The following CELF2 variants were observed in gnomAD, a reference collection of about 807,000 sequenced individuals.
CELF2 encodes the protein CUGBP Elav-like family member 2.
A neutral mutation model predicts 62.6 loss-of-function variants in CELF2; 8 were observed. The observed-to-expected ratio is 0.13, with a 90% CI of 0.07 to 0.23. CELF2 has a LOEUF of 0.23. Among genes scored for constraint, CELF2 ranks in the 10% least tolerant of loss-of-function variants. The probability of loss-of-function intolerance (pLI) is 1.00; values close to 1 mark genes in which losing one functional copy is unlikely to be tolerated. For missense variants in CELF2, 333 were observed against 671.0 expected (o/e 0.50, Z 5.56); for synonymous variants, 258 against 250.0 (o/e 1.03, Z -0.30).
chr10:10,637,160 G>A, the CELF2 span, among the ~76,000 whole-genome samples: 1 of 152,070 alleles, frequency 6.6e-6, no homozygotes, highest in Non-Finnish European at 1.5e-5. Flanking sequence ...GTGAGTAATC[G>A]ACTCTGGTAC....
At chr10:10,669,134 A>T in the CELF2 span, among the ~76,000 whole-genome samples, 1 of 152,202 alleles carries the variant, frequency 6.6e-6, no homozygotes, top group African/African-American at 2.4e-5. Context: ...TGGTGGCAGA[A>T]GTGGATTTGA....
chr10:10,867,128 A>C (rs2060439007), intron 1 of CELF2, among the ~76,000 whole-genome samples: 2 of 152,272 alleles, frequency 1.3e-5, no homozygotes, highest in East Asian at 1.9e-4. Context: ...TGGGAAACAA[A>C]GGCTCTGATT....
At chr10:10,680,688 G>A in the CELF2 span, among the ~76,000 whole-genome samples, 2 of 152,192 alleles carry the variant, frequency 1.3e-5, no homozygotes, top group Non-Finnish European at 2.9e-5. Flanking sequence ...CACATTGTTA[G>A]CATAGCCTAT....
chr10:10,516,816 G>T, the CELF2 span, among the ~76,000 whole-genome samples: 1 of 151,626 alleles, frequency 6.6e-6, no homozygotes, highest in South Asian at 2.1e-4. Flanking sequence ...TCTGGAAGGG[G>T]GAGACAAGTC....
chr10:10,549,197 G>C, the CELF2 span, among the ~76,000 whole-genome samples: 9 of 152,202 alleles, frequency 5.9e-5, no homozygotes, highest in African/African-American at 2.2e-4. Flanking sequence ...CCATAGGCTG[G>C]ATGGCTTAAA....
chr10:11,100,484 T>G (rs968753976), intron 1 of CELF2, among the ~76,000 whole-genome samples: 1 of 151,860 alleles, frequency 6.6e-6, no homozygotes, highest in African/African-American at 2.4e-5. Flanking sequence ...GGACCACATG[T>G]GAGTTCCTAA....
At chr10:11,069,058 A>G (rs2068965665) in intron 1 of CELF2, among the ~76,000 whole-genome samples, 1 of 152,184 alleles carries the variant, frequency 6.6e-6, no homozygotes, top group Non-Finnish European at 1.5e-5. Context: ...ACTAAAATAA[A>G]TGTTAGAAAA....
At chr10:10,496,319 C>T in the CELF2 span, among the ~76,000 whole-genome samples, 1 of 152,186 alleles carries the variant, frequency 6.6e-6, no homozygotes, top group Non-Finnish European at 1.5e-5. Flanking sequence ...TTTGTCTACT[C>T]GTATCTACCA....
intron 1 of CELF2, among the ~76,000 whole-genome samples, chr10:10,852,505 G>T (rs185811882): frequency 6.6e-6 from 1 of 152,228 alleles, no homozygotes; most frequent in East Asian, 1.9e-4. Context: ...TGCTTGTGGT[G>T]GTAGAATTGT....
the CELF2 span, among the ~76,000 whole-genome samples, chr10:10,702,093 TC>T: frequency 1.4e-4 from 21 of 152,214 alleles, no homozygotes; most frequent in Non-Finnish European, 1.9e-4. Flanking sequence ...CAGATTTGCT[TC>T]CTTAATTAGT....
rs1373425101 is a variant in CELF2 at position 10,801,074 on chromosome 10, T to TA, written c.53+2257_53+2258insA. On this transcript the variant is annotated intron_variant, in intron 1 of 13. Coordinates refer to the CELF2 transcript ENST00000636488. ...AATGATCTCAAGTCTTAACCCGTTT[T>TA]TAAAAAAAAAACAGTGAGAATGTTG... 9.2e-5 allele frequency among the ~76,000 whole-genome samples: 9 copies of TA among 98,236 alleles called. No homozygotes were observed. In the East Asian group the frequency reaches 9.7e-4, roughly 11 times the overall value. The allele number at this position is 98,236 out of a possible 152,430, so 64.4% of individuals were successfully genotyped here.
At chr10:10,969,662 A>G (rs2050546831) in intron 2 of CELF2, among the ~76,000 whole-genome samples, 1 of 152,158 alleles carries the variant, frequency 6.6e-6, no homozygotes, top group African/African-American at 2.4e-5. Flanking sequence ...AAAGGAAGGA[A>G]TGGTCTGGAT....
the CELF2 span, among the ~76,000 whole-genome samples, chr10:10,790,177 A>G: frequency 6.6e-6 from 1 of 152,054 alleles, no homozygotes; most frequent in Non-Finnish European, 1.5e-5. Flanking sequence ...TAATTATTCC[A>G]ATTTCTCTGT....
the CELF2 span, among the ~76,000 whole-genome samples, chr10:10,727,992 T>C: frequency 6.6e-6 from 1 of 152,076 alleles, no homozygotes; most frequent in Non-Finnish European, 1.5e-5. Flanking sequence ...AAGAGTCGGC[T>C]GCATACACTA....
chr10:11,205,288 C>G (rs988916451), intron 2 of CELF2, among the ~76,000 whole-genome samples: 7 of 152,154 alleles, frequency 4.6e-5, no homozygotes, highest in African/African-American at 1.4e-4. Flanking sequence ...GCAGGCCTGT[C>G]GCGGCTGCAT....
Position 11,300,924 on chromosome 10 carries a change from C to A in CELF2, c.976+12372C>A, listed in dbSNP as rs10905928. Among the ~76,000 whole-genome samples the A allele has an allele frequency of 0.22, 34,016 of 152,134 alleles. 4,889 individuals carry two copies. Among genetic ancestry groups the A allele is most frequent in the East Asian group, 0.59 (3,033 of 5,180 alleles). ...AAGTGTTTAACGAGGGCACCGAAGGCAAATTCTTGCTGTCTTCTGTTAATG... is the reference window on the plus strand; with the variant it reads ...AAGTGTTTAACGAGGGCACCGAAGGAAAATTCTTGCTGTCTTCTGTTAATG... On this transcript the variant is annotated intron_variant, in intron 9 of 12. Transcript: ENST00000633077. This position sits in a 1 kb window ranked among gnomAD's most constrained non-coding sequence, Gnocchi z 5.5.
At chr10:10,468,987 T>C in the CELF2 span, among the ~76,000 whole-genome samples, 2 of 152,072 alleles carry the variant, frequency 1.3e-5, no homozygotes, top group South Asian at 4.1e-4. Context: ...TATAAAAAGT[T>C]AGTATGAACT....
chr10:11,226,821 A>G (rs1288498253), intron 3 of CELF2, among the ~76,000 whole-genome samples: 1 of 152,328 alleles, frequency 6.6e-6, no homozygotes, highest in Middle Eastern at 3.4e-3. Flanking sequence ...GAAGTGATAG[A>G]TCAAAGACAG....
chr10:10,610,276 G>A, the CELF2 span, among the ~76,000 whole-genome samples: 3 of 152,172 alleles, frequency 2.0e-5, no homozygotes, highest in Admixed American at 2.0e-4. Context: ...GTATCCTTAA[G>A]ATATTCATGG....
Sources: gnomAD v4.1 joint callset for allele counts (sites outside exome capture counted in the v4.1 genomes callset) on GRCh38, gnomAD v4.1.1 for gene constraint, Gnocchi (gnomAD v3.1) non-coding constraint, MANE v1.5 for transcripts, NCBI Gene and HGNC (gene_info 2026-07-23, HGNC 2026-07-21) for gene names.